PPP1R16B: variants seen among roughly 807,000 people sequenced by gnomAD.
The protein encoded by PPP1R16B is protein phosphatase 1 regulatory subunit 16B, also known as protein phosphatase 1 regulatory inhibitor subunit 16B.
In PPP1R16B, 14 loss-of-function variants were observed where a neutral mutation model predicts 61.7. The ratio of observed to expected loss-of-function variants is 0.23; its 90% confidence interval spans 0.15 to 0.35. The LOEUF is 0.35. PPP1R16B is among the 10% of genes least tolerant of loss of function. PPP1R16B has a pLI of 1.00. For missense variants in PPP1R16B, 547 were observed against 752.5 expected (o/e 0.73, Z 3.19); for synonymous variants, 266 against 305.3 (o/e 0.87, Z 1.34).
chr20:38,877,391 C>A lies in PPP1R16B; in HGVS notation c.251-12204C>A, dbSNP rs543842614. Among the ~76,000 whole-genome samples, 50 of 151,956 alleles carry A rather than the reference C, an allele frequency of 3.3e-4. 1 individual carries two copies. In the South Asian group the frequency reaches 0.01, roughly 32 times the overall value. ...ATGGTGCGACCTCGGCCCACTGCAA[C>A]CTCCACCTCCCAGGTTCAAGCAATT... On this transcript the variant is annotated intron_variant, in intron 2 of 10. Coordinates refer to ENST00000299824, the MANE Select transcript of PPP1R16B (RefSeq NM_015568.4).
chr20:38,858,095 T>C (rs1194390942), intron 2 of PPP1R16B, among the ~76,000 whole-genome samples: 1 of 152,148 alleles, frequency 6.6e-6, no homozygotes, highest in Non-Finnish European at 1.5e-5. Context: ...GGAGACTCTC[T>C]GGTGTCTCTT....
chr20:38,834,859 C>T (rs2084859433), intron 1 of PPP1R16B, among the ~76,000 whole-genome samples: 1 of 151,866 alleles, frequency 6.6e-6, no homozygotes, highest in Non-Finnish European at 1.5e-5. Context: ...TGAAAAATAG[C>T]TATTTTTCAA....
intron 2 of PPP1R16B, among the ~76,000 whole-genome samples, chr20:38,853,593 A>T (rs2084983392): frequency 6.6e-6 from 1 of 152,252 alleles, no homozygotes; most frequent in Non-Finnish European, 1.5e-5. Flanking sequence ...ATCAGTGTCA[A>T]GAGCTAGACT....
intron 10 of PPP1R16B, among the ~76,000 whole-genome samples, chr20:38,910,151 G>A (rs1250939206): frequency 1.3e-5 from 2 of 151,926 alleles, no homozygotes; most frequent in African/African-American, 4.8e-5. Context: ...GTGGATTTTT[G>A]TATTTTTAGT....
intron 2 of PPP1R16B, among the ~76,000 whole-genome samples, chr20:38,870,554 G>C (rs1000772322): frequency 6.6e-6 from 1 of 152,148 alleles, no homozygotes; most frequent in African/African-American, 2.4e-5. Flanking sequence ...CTAGAGGAGA[G>C]TGTTCTAGGC....
At chr20:38,910,763 C>T (rs879806304) in intron 10 of PPP1R16B, among the ~76,000 whole-genome samples, 25 of 152,108 alleles carry the variant, frequency 1.6e-4, no homozygotes, top group Admixed American at 1.3e-3. Flanking sequence ...TTTGGGAGGC[C>T]GAGGTGGGTG....
At chr20:38,842,213 T>G (rs769985893) in intron 2 of PPP1R16B, among the ~76,000 whole-genome samples, 4 of 152,198 alleles carry the variant, frequency 2.6e-5, no homozygotes, top group Non-Finnish European at 5.9e-5. Context: ...GCTTTTGTTT[T>G]CACTAGAAAA....
chr20:38,916,040 GTC>G (rs1568687903), intron 10 of PPP1R16B, among the ~76,000 whole-genome samples: 1 of 148,894 alleles, frequency 6.7e-6, no homozygotes, highest in Non-Finnish European at 1.5e-5. Context: ...CATGGCATCA[GTC>G]TGCCTGCATA....
intron 2 of PPP1R16B, among the ~76,000 whole-genome samples, chr20:38,859,673 G>A (rs1399745221): frequency 6.6e-6 from 1 of 151,914 alleles, no homozygotes; most frequent in African/African-American, 2.4e-5. Flanking sequence ...TAAATTTTTT[G>A]TAGAGACAGG....
chr20:38,909,824 T>G (rs1478683336), intron 10 of PPP1R16B, among the ~76,000 whole-genome samples: 2 of 152,132 alleles, frequency 1.3e-5, no homozygotes, highest in Non-Finnish European at 2.9e-5. Flanking sequence ...TAGGGAAGAT[T>G]TGTTCTGCCT....
chr20:38,869,130 A>G (rs1422343704), intron 2 of PPP1R16B, among the ~76,000 whole-genome samples: 1 of 149,894 alleles, frequency 6.7e-6, no homozygotes, highest in Non-Finnish European at 1.5e-5. Flanking sequence ...TTGAGGTGAT[A>G]TGCACATAAA....
intron 2 of PPP1R16B, among the ~76,000 whole-genome samples, chr20:38,861,726 G>C (rs530883482): frequency 7.1e-6 from 1 of 141,732 alleles, no homozygotes; most frequent in East Asian, 2.1e-4. Flanking sequence ...GCCCAGACTA[G>C]AGTGCAGTGG....
intron 1 of PPP1R16B, among the ~76,000 whole-genome samples, chr20:38,813,454 C>T (rs1430804052): frequency 6.6e-6 from 1 of 152,078 alleles, no homozygotes; most frequent in Non-Finnish European, 1.5e-5. Context: ...CACAGCCAGA[C>T]TGATGGAAGG....
At chr20:38,856,097 G>A (rs2085007521) in intron 2 of PPP1R16B, among the ~76,000 whole-genome samples, 1 of 151,192 alleles carries the variant, frequency 6.6e-6, no homozygotes, top group African/African-American at 2.4e-5. Flanking sequence ...CAAGCTGGGG[G>A]TGGCAAAGTA....
chr20:38,854,930 G>A (rs775224278), intron 2 of PPP1R16B, among the ~76,000 whole-genome samples: 10 of 151,990 alleles, frequency 6.6e-5, no homozygotes, highest in African/African-American at 2.2e-4. Context: ...ACTCAATGGC[G>A]GCCTTCTATC....
At chr20:38,837,794 T>G (rs2084882569) in intron 2 of PPP1R16B, among the ~76,000 whole-genome samples, 1 of 152,194 alleles carries the variant, frequency 6.6e-6, no homozygotes, top group Non-Finnish European at 1.5e-5. Context: ...GTGATCCACC[T>G]GCCTTGGCCT....
chr20:38,841,033 AC>A (rs1475493058), intron 2 of PPP1R16B, among the ~76,000 whole-genome samples: 2 of 152,100 alleles, frequency 1.3e-5, no homozygotes, highest in Admixed American at 1.3e-4. Context: ...GGTGCTTTGT[AC>A]CAGGCAGCTT....
At chr20:38,852,767 T>TTTTTGG (rs2084977606) in intron 2 of PPP1R16B, among the ~76,000 whole-genome samples, 1 of 103,264 alleles carries the variant, frequency 9.7e-6, no homozygotes, top group Non-Finnish European at 1.9e-5. Context: ...TTTTTTTTTT[T>TTTTTGG]TGCGGGGGGT....
chr20:38,881,053 G>A (rs1259847636), intron 2 of PPP1R16B, among the ~76,000 whole-genome samples: 1 of 152,178 alleles, frequency 6.6e-6, no homozygotes, highest in Non-Finnish European at 1.5e-5. Flanking sequence ...CCTGGGACCT[G>A]AGGCTTGGTC....
Sources: allele counts gnomAD v4.1 joint callset (sites outside exome capture counted in the v4.1 genomes callset), GRCh38; gene constraint gnomAD v4.1.1; transcripts MANE v1.5; gene names NCBI Gene and HGNC (gene_info 2026-07-23, HGNC 2026-07-21).